PDIA4: variants seen among roughly 807,000 people sequenced by gnomAD.
PDIA4 encodes protein disulfide isomerase family A member 4.
In PDIA4, 33 loss-of-function variants were observed where a neutral mutation model predicts 62.1. The ratio of observed to expected loss-of-function variants is 0.53; its 90% CI spans 0.40 to 0.71. PDIA4 has a LOEUF of 0.71. Ranked by LOEUF, PDIA4 falls within the 30% of genes least tolerant of loss-of-function variation. The pLI is 0.00. For missense variants in PDIA4, 804 were observed against 813.6 expected (o/e 0.99, Z 0.14); for synonymous variants, 341 against 324.1 (o/e 1.05, Z -0.56).
At chr7:149,019,262 A>G in intron 2 of PDIA4, 65 bp from the exon 3 acceptor site, 1 of 1,116,470 alleles carries the variant, frequency 9.0e-7, no homozygotes, top group South Asian at 1.3e-5. Context: ...ATCCAACAAT[A>G]ATACATACCA....
chr7:149,016,796 C>G (rs1466958991), intron 3 of PDIA4, among the ~76,000 whole-genome samples: 4 of 152,156 alleles, frequency 2.6e-5, no homozygotes, highest in Non-Finnish European at 5.9e-5. Flanking sequence ...CAGGCGTGAA[C>G]CACCGTGCCC....
rs369248381 is a variant in PDIA4 at position 149,012,178 on chromosome 7, T to G, written c.797A>C (p.Tyr266Ser). Residue 266 changes from tyrosine (Y) to serine (S), a missense_variant, in exon 5 of 10, where the codon TAC becomes TCC. Transcript: ENST00000652332. Reference sequence around the variant, plus strand: ...ACCATATTTTTCTCGTGGGCCGTTGTAGTCATAAGGCCTTCCTTTGCGGAA... The same window carrying G: ...ACCATATTTTTCTCGTGGGCCGTTGGAGTCATAAGGCCTTCCTTTGCGGAA... ...KIFRKGRPYD[Y>S]NGPREKYGIV... 4 of 1,614,170 alleles carry G rather than the reference T, an allele frequency of 2.5e-6. No individual in the cohort carries two copies. Among genetic ancestry groups the G allele is most frequent in the Non-Finnish European group, 8.5e-7 (1 of 1,180,030 alleles).
At chr7:149,018,832 A>AC (rs1016885100) in intron 3 of PDIA4, among the ~76,000 whole-genome samples, 160 bp downstream of exon 3, 7 of 13,920 alleles carry the variant, frequency 5.0e-4, no homozygotes, top group Admixed American at 2.7e-3. Context: ...CCCCCCTCCT[A>AC]CCCCCCCACC....
chr7:149,021,516 C>T (rs1340085694), intron 1 of PDIA4, among the ~76,000 whole-genome samples: 1 of 146,796 alleles, frequency 6.8e-6, no homozygotes, highest in African/African-American at 2.5e-5. Flanking sequence ...AAAAAACTTT[C>T]CTAAAATTCA....
intron 8 of PDIA4, 63 bp from the exon 9 acceptor site, chr7:149,005,437 G>C (rs944814870): frequency 9.5e-7 from 1 of 1,048,392 alleles, no homozygotes; most frequent in Admixed American, 1.7e-5. Flanking sequence ...CTCAGACTCT[G>C]AGGTCAGGCT....
In PDIA4 at chr7:149,008,317, C is replaced by T. The variant is rs753562296; in HGVS notation, c.980-7G>A. ...TCTTCTCTCAGGTTGTTAGCTGAAA[C>T]GTTAACAGAATAAGATGTAATTTTG... On this transcript the variant is annotated splice_region_variant and splice_polypyrimidine_tract_variant and intron_variant, in intron 6 of 9. Transcript: ENST00000652332. 7.5e-6 allele frequency: 12 copies of T among 1,608,426 alleles called. No homozygotes were observed. The highest frequency in any genetic ancestry group is 4.5e-5 in the East Asian group (2 of 44,840).
intron 4 of PDIA4, among the ~76,000 whole-genome samples, chr7:149,013,663 C>G (rs1463301527): frequency 6.6e-6 from 1 of 152,048 alleles, no homozygotes; most frequent in African/African-American, 2.4e-5. Flanking sequence ...CAAAGCAAGG[C>G]CTTATCTCAA....
Position 149,008,286 on chromosome 7 carries a change from T to G in PDIA4, c.1004A>C (p.Lys335Thr). Reference sequence around the variant, plus strand: ...TTCTGTGCTGAAAGTGTGGTGAAATTTGTAATCTTCTCTCAGGTTGTTAGC... The same window carrying G: ...TTCTGTGCTGAAAGTGTGGTGAAATGTGTAATCTTCTCTCAGGTTGTTAGC... ...DAANNLREDY[K>T]FHHTFSTEIA... The change falls in exon 7 of 10, where the codon AAA becomes ACA. Residue 335 changes from lysine to threonine, a missense_variant. Coordinates refer to ENST00000652332, the MANE Select transcript of PDIA4 (RefSeq NM_004911.5). The G allele has an allele frequency of 1.9e-6, 3 of 1,613,858 alleles. No homozygotes were observed. The highest frequency in any genetic ancestry group is 2.2e-5 in the South Asian group (2 of 91,004).
intron 7 of PDIA4, 82 bp from the exon 8 acceptor site, chr7:149,006,135 G>C: frequency 1.4e-6 from 2 of 1,440,448 alleles, no homozygotes; most frequent in Non-Finnish European, 1.8e-6. Context: ...GGACTTTGGG[G>C]GAGTGGCGAC....
Position 149,005,894 on chromosome 7 carries a change from C to T in PDIA4, c.1288+3G>A. Reference sequence around the variant, plus strand: ...CCCGCAGGTCTTGGTGGGGGTCCCTCACCAGCTCTGTAATCAAAGCTGAAG... The same window carrying T: ...CCCGCAGGTCTTGGTGGGGGTCCCTTACCAGCTCTGTAATCAAAGCTGAAG... On this transcript the variant is annotated splice_donor_region_variant and intron_variant, in intron 8 of 9. Transcript: ENST00000652332. The T allele has an allele frequency of 6.6e-7, 1 of 1,505,026 alleles. No homozygotes were observed. The highest frequency in any genetic ancestry group is 1.4e-5 in the South Asian group (1 of 73,492). 93.2% of individuals were successfully genotyped at this position (1,505,026 alleles called of 1,614,324 possible). A position where few individuals can be genotyped will look rare whatever the true frequency, so the allele number is the denominator to read the frequency against.
chr7:149,013,288 C>T (rs984600173), intron 4 of PDIA4, among the ~76,000 whole-genome samples: 4 of 152,150 alleles, frequency 2.6e-5, no homozygotes, highest in African/African-American at 7.2e-5. Context: ...GGGCCTGGCA[C>T]ACAGGAGGCT....
At position 149,018,999 on chromosome 7, in the gene PDIA4, G is replaced by A. The variant is rs747073427; in HGVS notation, c.468C>T (p.Thr156=). The change falls in exon 3 of 10, where the codon ACC becomes ACT. Residue 156 remains threonine (T), a synonymous_variant. Transcript: ENST00000652332. ...GQAVDYEGSR[T]QEEIVAKVRE... The stretch of plus-strand genomic sequence containing the variant: ...GCTCAGGTACCAGCTCACCTTCCTG[G>A]GTTCTGGAGCCCTCGTAGTCTACAG... 3 of 1,610,890 alleles carry A rather than the reference G, an allele frequency of 1.9e-6. No homozygotes were observed. The highest frequency in any genetic ancestry group is 1.3e-5 in the African/African-American group (1 of 74,702).
At chr7:149,011,239 G>A (rs1823933279) in intron 6 of PDIA4, among the ~76,000 whole-genome samples, 1 of 152,262 alleles carries the variant, frequency 6.6e-6, no homozygotes, top group East Asian at 1.9e-4. Context: ...CCTGTCCCCA[G>A]GCATCAGGAG....
At chr7:149,005,546 C>T (rs974648754) in intron 8 of PDIA4, among the ~76,000 whole-genome samples, 172 bp from the exon 9 acceptor site, 2 of 152,218 alleles carry the variant, frequency 1.3e-5, no homozygotes, top group African/African-American at 4.8e-5. Context: ...GTCACGGGGG[C>T]CACAGCTGCA....
chr7:149,027,836 C>T (rs187523175), intron 1 of PDIA4: 10 of 472,052 alleles, frequency 2.1e-5, no homozygotes, highest in East Asian at 1.4e-4. Context: ...TAATCATTTC[C>T]AAATCTACAG....
At chr7:149,024,022 G>A (rs190685062) in intron 1 of PDIA4, among the ~76,000 whole-genome samples, 16 of 152,288 alleles carry the variant, frequency 1.1e-4, no homozygotes, top group Non-Finnish European at 1.6e-4. Context: ...CAAAGAGGGT[G>A]GATCATCTGA....
intron 6 of PDIA4, among the ~76,000 whole-genome samples, chr7:149,009,605 C>T (rs1196711799): frequency 2.6e-5 from 4 of 152,202 alleles, no homozygotes; most frequent in East Asian, 1.9e-4. Context: ...TGAAACCCCA[C>T]GGTCTGAGGG....
At chr7:149,026,841 C>G (rs1215370184) in intron 1 of PDIA4, among the ~76,000 whole-genome samples, 1 of 151,690 alleles carries the variant, frequency 6.6e-6, no homozygotes, top group African/African-American at 2.4e-5. Context: ...CCCAGGAGGC[C>G]TGCCCTTGGC....
At chr7:149,008,560 G>A (rs752548786) in intron 6 of PDIA4, among the ~76,000 whole-genome samples, 18 of 152,016 alleles carry the variant, frequency 1.2e-4, no homozygotes, top group Non-Finnish European at 1.9e-4. Context: ...AACATTAGCC[G>A]GGTGTGGTGA....
Sources: gnomAD v4.1 joint callset for allele counts (sites outside exome capture counted in the v4.1 genomes callset) on GRCh38, gnomAD v4.1.1 for gene constraint, MANE v1.5 for transcripts, NCBI Gene and HGNC (gene_info 2026-07-23, HGNC 2026-07-21) for gene names.